BRINP2: variants seen among roughly 807,000 people sequenced by gnomAD.
BRINP2 encodes BMP/retinoic acid-inducible neural-specific protein 2.
BRINP2 carries 21 observed loss-of-function variants against 69.2 expected under a neutral mutation model. The ratio of observed to expected loss-of-function variants is 0.30; its 90% CI spans 0.22 to 0.44. The LOEUF is 0.44. Among genes scored for constraint, BRINP2 ranks in the 20% least tolerant of loss-of-function variants. The pLI is 1.00. For missense variants in BRINP2, 877 were observed against 986.0 expected, an observed-to-expected ratio of 0.89 and a Z score of 1.48; for synonymous variants, 380 against 394.1, an observed-to-expected ratio of 0.96 and a Z score of 0.42.
chr1:177,223,596 T>G (rs1649606473), intron 1 of BRINP2, among the ~76,000 whole-genome samples: 1 of 152,248 alleles, frequency 6.6e-6, no homozygotes, highest in Non-Finnish European at 1.5e-5. Context: ...TGTTTTATTG[T>G]GGAGTGATCT....
chr1:177,219,432 A>C (rs971353855), intron 1 of BRINP2, among the ~76,000 whole-genome samples: 1 of 152,226 alleles, frequency 6.6e-6, no homozygotes, highest in Admixed American at 6.5e-5. Flanking sequence ...TTCTCTGTGT[A>C]CTTATTGACA....
At chr1:177,205,070 A>G (rs1325241666) in intron 1 of BRINP2, among the ~76,000 whole-genome samples, 2 of 152,224 alleles carry the variant, frequency 1.3e-5, no homozygotes, top group Non-Finnish European at 2.9e-5. Flanking sequence ...ATCATATTAT[A>G]TAATATAAAA....
At chr1:177,228,828 C>T (rs1337210304) in intron 1 of BRINP2, among the ~76,000 whole-genome samples, 2 of 152,190 alleles carry the variant, frequency 1.3e-5, no homozygotes, top group Non-Finnish European at 2.9e-5. Context: ...AGAGTAGGCA[C>T]TGGAAATCAG....
At chr1:177,259,559 G>A (rs888398561) in intron 4 of BRINP2, among the ~76,000 whole-genome samples, 5 of 152,198 alleles carry the variant, frequency 3.3e-5, no homozygotes, top group African/African-American at 1.2e-4. Flanking sequence ...GCTAAGGAGG[G>A]TAAGTCAATG....
intron 2 of BRINP2, among the ~76,000 whole-genome samples, chr1:177,240,668 AG>A (rs1650170970): frequency 6.6e-6 from 1 of 152,172 alleles, no homozygotes; most frequent in Non-Finnish European, 1.5e-5. Flanking sequence ...TGCAACCACT[AG>A]GATAGATGTG....
chr1:177,241,539 C>A (rs961686451), intron 2 of BRINP2, among the ~76,000 whole-genome samples: 1 of 152,152 alleles, frequency 6.6e-6, no homozygotes, highest in Non-Finnish European at 1.5e-5. Flanking sequence ...CTTCCACAAG[C>A]TGTCCTTGTT....
At chr1:177,214,259 C>T (rs1299227552) in intron 1 of BRINP2, among the ~76,000 whole-genome samples, 3 of 152,050 alleles carry the variant, frequency 2.0e-5, no homozygotes, top group Non-Finnish European at 4.4e-5. Context: ...TGGTGAAACC[C>T]CCATCTCTGC....
At chr1:177,242,295 C>T (rs1267241988) in intron 2 of BRINP2, among the ~76,000 whole-genome samples, 1 of 152,200 alleles carries the variant, frequency 6.6e-6, no homozygotes, top group Non-Finnish European at 1.5e-5. Flanking sequence ...AAAACCCAAA[C>T]CCATTTTCTT....
intron 1 of BRINP2, among the ~76,000 whole-genome samples, chr1:177,222,753 G>A (rs775730007): frequency 9.2e-5 from 14 of 151,976 alleles, no homozygotes; most frequent in Non-Finnish European, 1.8e-4. Context: ...GGAACCTGAG[G>A]CAAAAGTGTT....
chr1:177,254,691 C>CA (rs34104005), intron 2 of BRINP2, among the ~76,000 whole-genome samples: 5,946 of 143,966 alleles, frequency 0.041, 337 homozygotes, highest in African/African-American at 0.14. Context: ...AGGTGTTTCT[C>CA]AAAAAAAAAA....
intron 3 of BRINP2, 109 bp downstream of exon 3, chr1:177,256,218 T>C (rs545287145): frequency 6.9e-7 from 1 of 1,439,362 alleles, no homozygotes; most frequent in Non-Finnish European, 9.3e-7. Flanking sequence ...GGCCTTTTAT[T>C]GCCTGAGAAG....
intron 4 of BRINP2, among the ~76,000 whole-genome samples, chr1:177,269,142 G>GTT (rs1436298532): frequency 1.3e-5 from 2 of 152,170 alleles, no homozygotes. Context: ...TAACCAAAGG[G>GTT]AGAGTATACC....
At position 177,281,002 on chromosome 1, in the gene BRINP2, G is replaced by C. The variant is rs1443819262; in HGVS notation, c.1826G>C (p.Ser609Thr). ...ESWFMPVNEG[S>T]FPDWERTNVD... ...TGGTTCATGCCTGTGAATGAGGGCA[G>C]CTTTCCTGACTGGGAAAGGACTAAC... Residue 609 changes from serine (S) to threonine (T), a missense_variant, in exon 8 of 8, where the codon AGC becomes ACC. Physicochemically the swap from Ser to Thr is moderately conservative, Grantham distance 58 (BLOSUM62 1). Coordinates refer to ENST00000361539, the MANE Select transcript of BRINP2 (RefSeq NM_021165.4). 6.2e-7 allele frequency: 1 copy of C among 1,614,218 alleles called. No individual in the cohort carries two copies. The highest frequency in any genetic ancestry group is 8.5e-7 in the Non-Finnish European group (1 of 1,180,028).
At chr1:177,246,587 AG>A (rs1650391340) in intron 2 of BRINP2, among the ~76,000 whole-genome samples, 1 of 152,234 alleles carries the variant, frequency 6.6e-6, no homozygotes, top group South Asian at 2.1e-4. Context: ...GAGCAATAAA[AG>A]TTGGAGGGGG....
At chr1:177,273,445 C>T in intron 4 of BRINP2, 43 bp from the exon 5 acceptor site, 1 of 1,357,894 alleles carries the variant, frequency 7.4e-7, no homozygotes, top group Non-Finnish European at 1.0e-6. Context: ...AAGGGAGTCT[C>T]CACTTGTTAT....
At chr1:177,197,207 T>C (rs1418691100) in intron 1 of BRINP2, among the ~76,000 whole-genome samples, 1 of 152,076 alleles carries the variant, frequency 6.6e-6, no homozygotes, top group Non-Finnish European at 1.5e-5. Context: ...CTTCCAATCA[T>C]GGAAGGCAAA....
chr1:177,210,991 A>G (rs1314842198), intron 1 of BRINP2, among the ~76,000 whole-genome samples: 1 of 141,088 alleles, frequency 7.1e-6, no homozygotes, highest in Non-Finnish European at 1.6e-5. Flanking sequence ...TTTAATATAT[A>G]TATTATGTAT....
intron 2 of BRINP2, 41 bp downstream of exon 2, chr1:177,230,186 AC>A: frequency 6.4e-7 from 1 of 1,555,058 alleles, no homozygotes; most frequent in Non-Finnish European, 8.7e-7. Flanking sequence ...TTCCCTAAGA[AC>A]CCAACCTGCA....
intron 1 of BRINP2, among the ~76,000 whole-genome samples, chr1:177,177,657 T>A (rs1009446216): frequency 2.6e-4 from 40 of 152,286 alleles, no homozygotes; most frequent in African/African-American, 9.4e-4. Flanking sequence ...CAAACTACTC[T>A]ACTTACTGTT....
Sources: allele counts gnomAD v4.1 joint callset (sites outside exome capture counted in the v4.1 genomes callset), GRCh38; gene constraint gnomAD v4.1.1; transcripts MANE v1.5; gene names NCBI Gene and HGNC (gene_info 2026-07-23, HGNC 2026-07-21).